FARSA: variants seen among roughly 807,000 people sequenced by gnomAD.
FARSA encodes phenylalanine--tRNA ligase alpha subunit.
In FARSA, 37 loss-of-function variants were observed where a neutral mutation model predicts 63.2. The ratio of observed to expected loss-of-function variants is 0.59; its 90% CI spans 0.45 to 0.77. The LOEUF is 0.77. Ranked by LOEUF, FARSA falls within the 30% of genes least tolerant of loss-of-function variation. The probability of loss-of-function intolerance (pLI) is 0.00; values close to 1 mark genes in which losing one functional copy is unlikely to be tolerated. For synonymous variants in FARSA, 312 were observed against 285.1 expected (o/e 1.09, Z -0.95); for missense variants, 618 against 696.6 (o/e 0.89, Z 1.27).
chr19:12,927,138 G>A (rs1014697274), intron 7 of FARSA, among the ~76,000 whole-genome samples: 1 of 152,238 alleles, frequency 6.6e-6, no homozygotes, highest in Non-Finnish European at 1.5e-5. Flanking sequence ...GGCTTCTGTA[G>A]AACTCGGGGT....
At position 12,925,167 on chromosome 19, in the gene FARSA, C is replaced by T. The variant is rs77092376; in HGVS notation, c.849G>A (p.Ala283=). 2,528 of 1,589,218 alleles carry T rather than the reference C, an allele frequency of 1.6e-3. 25 individuals are homozygous for T. The African/African-American group carries it at 0.027, about 17-fold the overall frequency. ...QHDTFFLRDP[A]EALQLPMDYV... ...AGTCCATTGGGAGCTGCAGGGCCTC[C>T]GCTGGATCTGGGCAGGACAGAGCAA... Residue 283 remains alanine, a synonymous_variant, in exon 8 of 13, where the codon GCG becomes GCA. Transcript: ENST00000314606.
rs1971419726 is a variant in FARSA, at chr19:12,933,620, A to C, written c.77T>G (p.Leu26Trp). The change falls in exon 1 of 13, where the codon TTG becomes TGG. Residue 26 changes from leucine (L) to tryptophan (W), a missense_variant. Transcript: ENST00000314606. ...ASDGGLDSAE[L>W]AAELGMEHQA... ...GTGCTCCATGCCCAGCTCAGCCGCCAACTCGGCGCTGTCCAGGCCGCCATC... is the reference window on the plus strand; with the variant it reads ...GTGCTCCATGCCCAGCTCAGCCGCCCACTCGGCGCTGTCCAGGCCGCCATC... The C allele has an allele frequency of 6.4e-7, 1 of 1,558,662 alleles. No homozygotes were observed. The highest frequency in any genetic ancestry group is 8.7e-7 in the Non-Finnish European group (1 of 1,155,976).
chr19:12,933,345 G>A (rs756070836), intron 1 of FARSA: 2 of 588,008 alleles, frequency 3.4e-6, no homozygotes, highest in Non-Finnish European at 5.8e-6. Context: ...CGCTGACCGT[G>A]CCTCAATAAA....
chr19:12,927,111 G>C (rs1363732504), intron 7 of FARSA, among the ~76,000 whole-genome samples: 1 of 152,236 alleles, frequency 6.6e-6, no homozygotes, highest in African/African-American at 2.4e-5. Context: ...ACAGAAGAAT[G>C]AACACTAGGG....
At chr19:12,923,789 T>C (rs1055123081) in intron 12 of FARSA, among the ~76,000 whole-genome samples, 6 of 152,196 alleles carry the variant, frequency 3.9e-5, no homozygotes, top group African/African-American at 1.4e-4. Flanking sequence ...CTGTTTTTAT[T>C]CTTTGTAGAG....
At position 12,924,521 on chromosome 19, in the gene FARSA, T is replaced by A. The variant is rs774111738; in HGVS notation, c.1201A>T (p.Thr401Ser). Residue 401 changes from threonine to serine, a missense_variant, in exon 11 of 13, where the codon ACG (threonine) becomes TCG (serine). By Grantham distance (58) the Thr-to-Ser change is moderately conservative. Coordinates refer to ENST00000314606, the MANE Select transcript of FARSA (RefSeq NM_004461.3). This position sits in a 1 kb window ranked among gnomAD's most constrained non-coding sequence, Gnocchi z 6.4. ...TAGGCTGGCTTGAAGCGGAGTTGCG[T>A]GATACCTGCAGGAAGTGGGGGGCGG... ...LREFFTKLGI[T>S]QLRFKPAYNP... is the part of the protein sequence containing the mutation. 2 of 1,613,398 alleles carry A rather than the reference T, an allele frequency of 1.2e-6. No homozygotes were observed. The highest frequency in any genetic ancestry group is 2.7e-5 in the African/African-American group (2 of 74,912).
intron 7 of FARSA, among the ~76,000 whole-genome samples, chr19:12,927,899 G>A (rs1364026144): frequency 1.3e-5 from 2 of 151,412 alleles, no homozygotes; most frequent in Non-Finnish European, 2.9e-5. Flanking sequence ...GTATGCACCT[G>A]TAATCCCAGC....
In FARSA at chr19:12,928,328, A is replaced by C. The variant is rs45512394; in HGVS notation, c.841+14T>G. On this transcript the variant is annotated intron_variant, in intron 7 of 12. Transcript: ENST00000314606. Reference sequence around the variant, plus strand: ...GTCTCTCATGTCTCAGGGAGGCCCTAGGGGCTGACCCACCTCGAAGGAAGA... The same window carrying C: ...GTCTCTCATGTCTCAGGGAGGCCCTCGGGGCTGACCCACCTCGAAGGAAGA... 1.5e-5 allele frequency: 24 copies of C among 1,610,388 alleles called. No homozygotes were observed. The highest frequency in any genetic ancestry group is 2.0e-5 in the Non-Finnish European group (24 of 1,177,260).
Position 12,924,611 on chromosome 19 carries a change from C to A in FARSA, c.1195+28G>T. The A allele has an allele frequency of 6.2e-7, 1 of 1,611,622 alleles. No homozygotes were observed. Among genetic ancestry groups the A allele is most frequent in the Non-Finnish European group, 8.5e-7 (1 of 1,178,852 alleles). On this transcript the variant is annotated intron_variant, in intron 10 of 12. Coordinates refer to ENST00000314606, the MANE Select transcript of FARSA (RefSeq NM_004461.3). This position sits in a 1 kb window ranked among gnomAD's most constrained non-coding sequence, Gnocchi z 6.4. ...ACACACCTGCCCGCTGCCTCACCAC[C>A]ATGGCCCACCCCTGCCCCCCTGCTC... is the stretch of plus-strand genomic sequence containing the variant.
rs947596010 is a variant in FARSA at position 12,922,843 on chromosome 19, C to T, written c.1432G>A (p.Val478Met). ...ATCTGCAGGTTCACCTTGTGGCCCA[C>T]CAGCTCCCGGATATTGTTGATGCCA... The part of the protein sequence containing the change: ...KYGINNIREL[V>M]GHKVNLQMVY... The change falls in exon 13 of 13, where the codon GTG (valine) becomes ATG (methionine). Residue 478 changes from valine (V) to methionine (M), a missense_variant. By Grantham distance (21) the Val-to-Met change is conservative. Transcript: ENST00000314606. 6.2e-7 allele frequency: 1 copy of T among 1,614,122 alleles called. No individual in the cohort carries two copies. The highest frequency in any genetic ancestry group is 8.5e-7 in the Non-Finnish European group (1 of 1,180,026).
In FARSA at chr19:12,924,537, T is replaced by G. The variant is rs1568443653; in HGVS notation, c.1196-11A>C. On this transcript the variant is annotated splice_polypyrimidine_tract_variant and intron_variant, in intron 10 of 12. Coordinates refer to ENST00000314606, the MANE Select transcript of FARSA (RefSeq NM_004461.3). The surrounding 1 kb of genome is among the most constrained non-coding windows in gnomAD (Gnocchi z 6.4). ...GGAGTTGCGTGATACCTGCAGGAAG[T>G]GGGGGGCGGGCAGGAGAGCAGGGGT... 1 of 1,613,204 alleles carries G rather than the reference T, an allele frequency of 6.2e-7. No homozygotes were observed. The highest frequency in any genetic ancestry group is 2.2e-5 in the East Asian group (1 of 44,878).
intron 1 of FARSA, among the ~76,000 whole-genome samples, chr19:12,931,388 C>G (rs1370301280): frequency 6.6e-6 from 1 of 152,080 alleles, no homozygotes; most frequent in African/African-American, 2.4e-5. Context: ...CTCAGCCTCC[C>G]GAGTAGCTCG....
intron 7 of FARSA, 57 bp from the exon 8 acceptor site, chr19:12,925,231 T>C (rs1174340170): frequency 6.9e-7 from 1 of 1,441,182 alleles, no homozygotes; most frequent in Non-Finnish European, 9.5e-7. Flanking sequence ...CCCCTTTTTT[T>C]TTTTCAGACA....
At chr19:12,925,253 T>C in intron 7 of FARSA, 79 bp from the exon 8 acceptor site, 5 of 1,248,894 alleles carry the variant, frequency 4.0e-6, no homozygotes, top group Non-Finnish European at 5.7e-6. Flanking sequence ...GGTCTCACTG[T>C]TGTCCAGGCT....
At chr19:12,928,720 C>T in intron 5 of FARSA, 35 bp downstream of exon 5, 2 of 1,614,060 alleles carry the variant, frequency 1.2e-6, no homozygotes, top group Non-Finnish European at 1.7e-6. Context: ...CCTGCCCCAG[C>T]TCCCACCTGC....
chr19:12,928,865 A>G lies in FARSA; in HGVS notation c.504-18T>C. 6.2e-7 allele frequency: 1 copy of G among 1,611,652 alleles called. No homozygotes were observed. The highest frequency in any genetic ancestry group is 8.5e-7 in the Non-Finnish European group (1 of 1,177,940). ...TCAGAGTCCTGTGGCCAGGGGAAGGAAGGGGACGCCACTGCCATCTCCTCC... is the reference window on the plus strand; with the variant it reads ...TCAGAGTCCTGTGGCCAGGGGAAGGGAGGGGACGCCACTGCCATCTCCTCC... On this transcript the variant is annotated intron_variant, in intron 4 of 12. Transcript: ENST00000314606.
chr19:12,924,087 G>GCCCCTATA lies in FARSA; in HGVS notation c.1388+56_1388+63dup. The GCCCCTATA allele has an allele frequency of 7.9e-7, 1 of 1,272,814 alleles. No homozygotes were observed. Among genetic ancestry groups the GCCCCTATA allele is most frequent in the Non-Finnish European group, 1.1e-6 (1 of 869,664 alleles). 78.8% of individuals were successfully genotyped at this position (1,272,814 alleles called of 1,614,324 possible). ...AATGGGTGGTGCTGAAACCACGCAG[G>GCCCCTATA]CCCCTATACCTGGAGAGTTATTTGA... is the stretch of plus-strand genomic sequence containing the variant. On this transcript the variant is annotated intron_variant, in intron 12 of 12. Transcript: ENST00000314606. This position sits in a 1 kb window ranked among gnomAD's most constrained non-coding sequence, Gnocchi z 6.4.
intron 12 of FARSA, among the ~76,000 whole-genome samples, chr19:12,923,324 C>G: frequency 6.6e-6 from 1 of 152,182 alleles, no homozygotes; most frequent in East Asian, 1.9e-4. Context: ...GAAACAGAGT[C>G]TCACTCTGTA....
chr19:12,922,508 T>C lies in FARSA; in HGVS notation c.*240A>G, dbSNP rs796135269. The C allele has an allele frequency of 1.9e-5, 10 of 538,942 alleles. No homozygotes were observed. The highest frequency in any genetic ancestry group is 1.7e-4 in the African/African-American group (9 of 52,762). 33.4% of individuals were successfully genotyped at this position (538,942 alleles called of 1,614,324 possible). A position where few individuals can be genotyped will look rare whatever the true frequency, so the allele number is the denominator to read the frequency against. On this transcript the variant is annotated 3_prime_UTR_variant, in exon 13 of 13. Transcript: ENST00000314606. ...GGCAACTGCCCACTTTATTAGACAA[T>C]AGGTGGCCCACAGGTCTCCTCAGGG...
Sources: gnomAD v4.1 joint callset for allele counts (sites outside exome capture counted in the v4.1 genomes callset) on GRCh38, gnomAD v4.1.1 for gene constraint, Gnocchi (gnomAD v3.1) non-coding constraint, MANE v1.5 for transcripts, NCBI Gene and HGNC (gene_info 2026-07-23, HGNC 2026-07-21) for gene names.